CSPG5: variants seen among roughly 807,000 people sequenced by gnomAD.
The protein encoded by CSPG5 is chondroitin sulfate proteoglycan 5.
CSPG5 carries 25 observed loss-of-function variants against 39.8 expected under a neutral mutation model. The observed-to-expected ratio is 0.63, with a 90% CI of 0.46 to 0.88. CSPG5 has a LOEUF of 0.88. CSPG5 is among the 40% of genes least tolerant of loss of function. CSPG5 has a pLI of 0.00. For missense variants in CSPG5, 627 were observed against 702.2 expected (o/e 0.89, Z 1.21); for synonymous variants, 295 against 303.9 (o/e 0.97, Z 0.31).
At chr3:47,566,096 A>G (rs1364315895) in intron 4 of CSPG5, among the ~76,000 whole-genome samples, 1 of 152,240 alleles carries the variant, frequency 6.6e-6, no homozygotes, top group Non-Finnish European at 1.5e-5. Flanking sequence ...CCAAAGCCCC[A>G]GACTTTTTTG....
Position 47,572,862 on chromosome 3 carries a change from C to T in CSPG5, c.1206G>A (p.Gln402=). ...GCATCCCCTTGTGCCAGATGTAGTC[C>T]TGCGTGTTGCACCTGCAGCAGCGAC... ...NIGAFCRCNT[Q]DYIWHKGMRC... Residue 402 remains glutamine (Q), a synonymous_variant, in exon 3 of 5, where the codon CAG becomes CAA. Transcript: ENST00000264723. The surrounding 1 kb of genome is among the most constrained non-coding windows in gnomAD (Gnocchi z 4.5). 2 of 1,608,756 alleles carry T rather than the reference C, an allele frequency of 1.2e-6. No individual in the cohort carries two copies. Among genetic ancestry groups the T allele is most frequent in the East Asian group, 4.5e-5 (2 of 44,724 alleles).
Position 47,578,257 on chromosome 3 carries a change from G to A in CSPG5, c.98-329C>T, listed in dbSNP as rs1208801396. The A allele has an allele frequency of 7.1e-6, 2 of 282,986 alleles. No homozygotes were observed. The highest frequency in any genetic ancestry group is 2.2e-5 in the African/African-American group (1 of 44,634). The allele number at this position is 282,986 out of a possible 1,614,324, so 17.5% of individuals were successfully genotyped here. On this transcript the variant is annotated intron_variant, in intron 1 of 4. Coordinates refer to ENST00000264723, the MANE Select transcript of CSPG5 (RefSeq NM_006574.4). This position sits in a 1 kb window ranked among gnomAD's most constrained non-coding sequence, Gnocchi z 6.0. ...CCCTCGGGAACCCACCCTGAGCCGC[G>A]TCCACTGGCTCCCGCCCTCAGCTCC... is the stretch of plus-strand genomic sequence containing the variant.
chr3:47,567,201 G>C (rs1465137524), intron 4 of CSPG5, among the ~76,000 whole-genome samples: 1 of 152,170 alleles, frequency 6.6e-6, no homozygotes, highest in East Asian at 1.9e-4. Context: ...GGAGGACTCT[G>C]TCCAACCGTG....
intron 4 of CSPG5, among the ~76,000 whole-genome samples, chr3:47,567,098 T>C (rs1275567623): frequency 6.6e-6 from 1 of 152,158 alleles, no homozygotes; most frequent in African/African-American, 2.4e-5. Context: ...CTTTTCCCCC[T>C]CTGAGAAGAA....
chr3:47,571,971 AT>A (rs1262892428), intron 3 of CSPG5, among the ~76,000 whole-genome samples: 2 of 152,210 alleles, frequency 1.3e-5, no homozygotes, highest in Non-Finnish European at 2.9e-5. Context: ...ACACATGTTG[AT>A]TCTCACATGC....
chr3:47,563,585 T>C (rs2031176607), intron 4 of CSPG5, among the ~76,000 whole-genome samples: 1 of 152,206 alleles, frequency 6.6e-6, no homozygotes, highest in African/African-American at 2.4e-5. Context: ...GAAGGAGTCT[T>C]GCTCTGTCGC....
In CSPG5 at chr3:47,572,996, T is replaced by A; in HGVS notation, c.1194-122A>T. 1.3e-6 allele frequency: 1 copy of A among 756,564 alleles called. No homozygotes were observed. The highest frequency in any genetic ancestry group is 2.1e-6 in the Non-Finnish European group (1 of 474,532). The allele number at this position is 756,564 out of a possible 1,614,324, so 46.9% of individuals were successfully genotyped here. On this transcript the variant is annotated intron_variant, in intron 2 of 4. Transcript: ENST00000264723. This position sits in a 1 kb window ranked among gnomAD's most constrained non-coding sequence, Gnocchi z 4.5. ...TGTTCCGAAGGCCATCTAGAGGAAC[T>A]GCAATGCTCCGAATCTGCACAGACC...
At position 47,577,172 on chromosome 3, in the gene CSPG5, T is replaced by G. The variant is rs1190248077; in HGVS notation, c.854A>C (p.Asp285Ala). Residue 285 changes from aspartate (D) to alanine (A), a missense_variant, in exon 2 of 5, where the codon GAC becomes GCC. Physicochemically the swap from Asp to Ala is moderately radical, Grantham distance 126 (BLOSUM62 -2). Transcript: ENST00000264723. The surrounding 1 kb of genome is among the most constrained non-coding windows in gnomAD (Gnocchi z 4.7). ...LDEEEEEEED[D>A]KDAVGGGDLE... ...GTCTCCACCTCCTACTGCATCTTTG[T>G]CATCCTCCTCTTCCTCCTCCTCTTC... is the stretch of plus-strand genomic sequence containing the variant. 6.2e-7 allele frequency: 1 copy of G among 1,611,244 alleles called. No homozygotes were observed. Among genetic ancestry groups the G allele is most frequent in the Non-Finnish European group, 8.5e-7 (1 of 1,178,664 alleles).
intron 4 of CSPG5, among the ~76,000 whole-genome samples, chr3:47,565,687 A>G (rs1215791249): frequency 6.6e-6 from 1 of 152,148 alleles, no homozygotes; most frequent in Non-Finnish European, 1.5e-5. Context: ...ATAGGAAAAA[A>G]AAAAAAAAAG....
In CSPG5 at chr3:47,578,344, G is replaced by T. The variant is rs1000283650; in HGVS notation, c.97+253C>A. Among the ~76,000 whole-genome samples the T allele has an allele frequency of 2.2e-4, 1 of 4,490 alleles. No homozygotes were observed. The highest frequency in any genetic ancestry group is 5.6e-4 in the Non-Finnish European group (1 of 1,800). 2.9% of individuals were successfully genotyped at this position (4,490 alleles called of 152,430 possible). ...CCGGCCCCGCCCCGGCCCCGCCCCC[G>T]GCCCCGCCCCCAGTCCGCACCGCGG... On this transcript the variant is annotated intron_variant, in intron 1 of 4. Coordinates refer to ENST00000264723, the MANE Select transcript of CSPG5 (RefSeq NM_006574.4). The surrounding 1 kb of genome is among the most constrained non-coding windows in gnomAD (Gnocchi z 6.0).
rs1476032638 is a variant in CSPG5, at chr3:47,578,243, C to G, written c.98-315G>C. The G allele has an allele frequency of 3.2e-6, 1 of 309,186 alleles. No homozygotes were observed. The highest frequency in any genetic ancestry group is 5.8e-6 in the Non-Finnish European group (1 of 170,946). 19.2% of individuals were successfully genotyped at this position (309,186 alleles called of 1,614,324 possible). On this transcript the variant is annotated intron_variant, in intron 1 of 4. Transcript: ENST00000264723. The surrounding 1 kb of genome is among the most constrained non-coding windows in gnomAD (Gnocchi z 6.0). The stretch of plus-strand genomic sequence containing the variant: ...ACCCATAAGTCTCACCCTCGGGAAC[C>G]CACCCTGAGCCGCGTCCACTGGCTC...
chr3:47,577,731 C>T lies in CSPG5; in HGVS notation c.295G>A (p.Ala99Thr). The change falls in exon 2 of 5, where the codon GCC (alanine) becomes ACC (threonine). Residue 99 changes from alanine to threonine, a missense_variant. By Grantham distance (58) the Ala-to-Thr change is moderately conservative. Transcript: ENST00000264723. This position sits in a 1 kb window ranked among gnomAD's most constrained non-coding sequence, Gnocchi z 4.7. ...LQESAAVTGT[A>T]WLEADSPGLG... is the part of the protein sequence containing the mutation. Reference sequence around the variant, plus strand: ...CCTGGGCTGTCAGCTTCCAGCCAGGCGGTGCCGGTCACCGCAGCCGACTCC... The same window carrying T: ...CCTGGGCTGTCAGCTTCCAGCCAGGTGGTGCCGGTCACCGCAGCCGACTCC... 6 of 1,577,794 alleles carry T rather than the reference C, an allele frequency of 3.8e-6. No homozygotes were observed. Among genetic ancestry groups the T allele is most frequent in the Non-Finnish European group, 5.1e-6 (6 of 1,167,744 alleles).
upstream of CSPG5, chr3:47,579,308 G>A (rs1342205327): frequency 6.6e-6 from 1 of 152,348 alleles, no homozygotes; most frequent in Non-Finnish European, 1.5e-5. This position sits in a 1 kb window ranked among gnomAD's most constrained non-coding sequence, Gnocchi z 4.2. Context: ...AGCCAGGCCC[G>A]GGGCGCATGG....
At chr3:47,566,395 G>A (rs1374233160) in intron 4 of CSPG5, among the ~76,000 whole-genome samples, 1 of 152,186 alleles carries the variant, frequency 6.6e-6, no homozygotes, top group African/African-American at 2.4e-5. Context: ...TGCAGGCAGT[G>A]AGTGTGGCGG....
intron 2 of CSPG5, among the ~76,000 whole-genome samples, chr3:47,576,461 G>GT (rs397769662): frequency 0.27 from 36,781 of 135,174 alleles, 5,150 homozygotes; most frequent in South Asian, 0.42. Context: ...GTTTTGTTTT[G>GT]TTTTTTTTTT....
chr3:47,576,440 C>T (rs988817629), intron 2 of CSPG5, among the ~76,000 whole-genome samples: 2 of 151,524 alleles, frequency 1.3e-5, no homozygotes, highest in African/African-American at 2.4e-5. Flanking sequence ...GTGCCTGTCA[C>T]GCTGCCCTCT....
rs146274580 is a variant in CSPG5, at chr3:47,568,063, G to A, written c.1458+1089C>T. Among the ~76,000 whole-genome samples, 208 of 152,326 alleles carry A rather than the reference G, an allele frequency of 1.4e-3. 1 individual carries two copies. Among genetic ancestry groups the A allele is most frequent in the African/African-American group, 4.7e-3 (194 of 41,576 alleles). On this transcript the variant is annotated intron_variant, in intron 4 of 4. Transcript: ENST00000264723. The stretch of plus-strand genomic sequence containing the variant: ...ATTTCACAGAAAGTTCCACTGGACC[G>A]TATTGGTCTAGAGTGCTGAGGCCCC...
chr3:47,562,945 C>A (rs1394649449), intron 4 of CSPG5, among the ~76,000 whole-genome samples, 184 bp from the exon 5 acceptor site: 1 of 152,176 alleles, frequency 6.6e-6, no homozygotes, highest in Non-Finnish European at 1.5e-5. Flanking sequence ...GTCATCCTTA[C>A]AAGAAATGGC....
chr3:47,562,820 T>G, intron 4 of CSPG5, 59 bp from the exon 5 acceptor site: 6 of 1,451,652 alleles, frequency 4.1e-6, no homozygotes, highest in South Asian at 1.3e-5. Flanking sequence ...CAAATAATAA[T>G]ATCAGCGTTT....
Sources: gnomAD v4.1 joint callset for allele counts (sites outside exome capture counted in the v4.1 genomes callset) on GRCh38, gnomAD v4.1.1 for gene constraint, Gnocchi (gnomAD v3.1) non-coding constraint, MANE v1.5 for transcripts, NCBI Gene and HGNC (gene_info 2026-07-23, HGNC 2026-07-21) for gene names.